RABGAP1L: variants seen among roughly 807,000 people sequenced by gnomAD.
RABGAP1L encodes the protein rab GTPase-activating protein 1-like.
In RABGAP1L, 63 loss-of-function variants were observed where a neutral mutation model predicts 137.7. The ratio of observed to expected loss-of-function variants is 0.46; its 90% CI spans 0.37 to 0.56. RABGAP1L has a LOEUF of 0.56. Ranked by LOEUF, RABGAP1L falls within the 20% of genes least tolerant of loss-of-function variation. The probability of loss-of-function intolerance (pLI) is 0.00; values close to 1 mark genes in which losing one functional copy is unlikely to be tolerated. For missense variants in RABGAP1L, 1,095 were observed against 1,244.0 expected (o/e 0.88, Z 1.80); for synonymous variants, 431 against 433.7 (o/e 0.99, Z 0.08).
chr1:174,179,556 A>G (rs1000439436), intron 1 of RABGAP1L, among the ~76,000 whole-genome samples: 6 of 137,408 alleles, frequency 4.4e-5, no homozygotes, highest in African/African-American at 2.1e-4. Flanking sequence ...ACACACACAC[A>G]CACACACACA....
chr1:174,385,633 T>G (rs1558189843), intron 12 of RABGAP1L, among the ~76,000 whole-genome samples: 1 of 152,078 alleles, frequency 6.6e-6, no homozygotes, highest in African/African-American at 2.4e-5. Flanking sequence ...GTTGGACGTA[T>G]GAGGAGGATC....
chr1:174,358,979 AGGG>A (rs201405649), intron 11 of RABGAP1L, among the ~76,000 whole-genome samples: 1 of 152,170 alleles, frequency 6.6e-6, no homozygotes, highest in Non-Finnish European at 1.5e-5. Context: ...GTATGGGCCT[AGGG>A]GGGCAGTATT....
intron 10 of RABGAP1L, among the ~76,000 whole-genome samples, chr1:174,302,749 T>C (rs1194453508): frequency 1.3e-5 from 2 of 152,194 alleles, no homozygotes; most frequent in African/African-American, 2.4e-5. Flanking sequence ...ATATCAAATG[T>C]TTTCTTGCCC....
At chr1:174,163,629 A>T (rs1449731149) in intron 1 of RABGAP1L, among the ~76,000 whole-genome samples, 1 of 151,732 alleles carries the variant, frequency 6.6e-6, no homozygotes, top group Non-Finnish European at 1.5e-5. Context: ...AAAAAAACCC[A>T]ACAACAACAC....
At chr1:174,180,672 G>A (rs1289111173) in intron 1 of RABGAP1L, among the ~76,000 whole-genome samples, 1 of 152,090 alleles carries the variant, frequency 6.6e-6, no homozygotes, top group African/African-American at 2.4e-5. Flanking sequence ...TCGCTTTGTT[G>A]CCCAAGCTGG....
intron 19 of RABGAP1L, among the ~76,000 whole-genome samples, chr1:174,862,053 T>C (rs925653532): frequency 3.9e-5 from 6 of 152,238 alleles, no homozygotes; most frequent in Admixed American, 1.3e-4. Context: ...TTAAGTTTTC[T>C]TCTAGGAGTT....
chr1:174,904,490 A>C (rs1218683706), intron 19 of RABGAP1L, among the ~76,000 whole-genome samples: 2 of 152,174 alleles, frequency 1.3e-5, no homozygotes, highest in Non-Finnish European at 2.9e-5. Context: ...AAAGGGAGGA[A>C]TATTCCCCCA....
intron 12 of RABGAP1L, among the ~76,000 whole-genome samples, chr1:174,372,389 A>G (rs1474893302): frequency 2.0e-5 from 3 of 152,080 alleles, no homozygotes; most frequent in Admixed American, 2.0e-4. Flanking sequence ...TTGGTTGGTT[A>G]TAGGCAGTGC....
chr1:174,315,617 C>T (rs951054193), intron 11 of RABGAP1L, among the ~76,000 whole-genome samples: 1 of 129,660 alleles, frequency 7.7e-6, no homozygotes, highest in Non-Finnish European at 1.6e-5. Flanking sequence ...GATTTCATTT[C>T]TTGCCTTTTT....
intron 16 of RABGAP1L, among the ~76,000 whole-genome samples, chr1:174,701,858 AG>A (rs1393177143): frequency 1.3e-5 from 2 of 152,202 alleles, no homozygotes; most frequent in Admixed American, 1.3e-4. Context: ...GCAAGAATCA[AG>A]AACAGTCAAG....
chr1:174,472,099 T>A (rs1658007960), intron 13 of RABGAP1L, among the ~76,000 whole-genome samples: 1 of 152,210 alleles, frequency 6.6e-6, no homozygotes. Context: ...AGCACCTTGA[T>A]CTTGGACTTT....
chr1:174,783,512 T>A (rs188874587), intron 18 of RABGAP1L, among the ~76,000 whole-genome samples: 3 of 152,288 alleles, frequency 2.0e-5, no homozygotes, highest in Admixed American at 2.0e-4. Flanking sequence ...TAGGTCTTCC[T>A]GAGCTAGTTC....
chr1:174,833,394 G>GTGTGTGTA (rs1553259918), intron 19 of RABGAP1L, among the ~76,000 whole-genome samples: 1 of 56,912 alleles, frequency 1.8e-5, no homozygotes, highest in African/African-American at 4.1e-5. Context: ...GTGTGTGTGT[G>GTGTGTGTA]TGTGTGTATG....
rs3766697 is a variant in RABGAP1L at position 174,991,324 on chromosome 1, C to A, written c.*1323C>A. On this transcript the variant is annotated 3_prime_UTR_variant, in exon 26 of 26. Coordinates refer to ENST00000681986, the MANE Select transcript of RABGAP1L (RefSeq NM_001366446.1). Reference sequence around the variant, plus strand: ...CAACCAAACTACTATTAGATATGTACAATAACATTTGTTGATATTAATCAT... The same window carrying A: ...CAACCAAACTACTATTAGATATGTAAAATAACATTTGTTGATATTAATCAT... 6.6e-6 allele frequency: 1 copy of A among 152,090 alleles called. No individual in the cohort carries two copies. The highest frequency in any genetic ancestry group is 6.5e-5 in the Admixed American group (1 of 15,270). 9.4% of individuals were successfully genotyped at this position (152,090 alleles called of 1,614,324 possible).
chr1:174,516,120 TACAC>T (rs61414923), intron 13 of RABGAP1L, among the ~76,000 whole-genome samples: 1,911 of 133,248 alleles, frequency 0.014, 25 homozygotes, highest in Middle Eastern at 0.026. Context: ...ACTGAAGCTC[TACAC>T]ACACACACAC....
intron 18 of RABGAP1L, among the ~76,000 whole-genome samples, chr1:174,753,999 A>C (rs1684533256): frequency 6.6e-6 from 1 of 152,190 alleles, no homozygotes; most frequent in Non-Finnish European, 1.5e-5. Flanking sequence ...GTGTCAACTT[A>C]ATACTATATA....
At chr1:174,757,797 G>A (rs919700763) in intron 18 of RABGAP1L, among the ~76,000 whole-genome samples, 2 of 151,892 alleles carry the variant, frequency 1.3e-5, no homozygotes, top group Non-Finnish European at 2.9e-5. Context: ...AGGGGGCCAA[G>A]GTGGGTGAAT....
intron 18 of RABGAP1L, among the ~76,000 whole-genome samples, chr1:174,793,929 T>G (rs1464514688): frequency 6.6e-6 from 1 of 152,162 alleles, no homozygotes; most frequent in Non-Finnish European, 1.5e-5. Flanking sequence ...ACTCCTGACC[T>G]CAAGCGATCC....
chr1:174,450,799 C>T (rs796494282), intron 13 of RABGAP1L, among the ~76,000 whole-genome samples: 56 of 152,262 alleles, frequency 3.7e-4, no homozygotes, highest in African/African-American at 1.2e-3. Context: ...TATCAAACTA[C>T]TGAGTATTTT....
Sources: gnomAD v4.1 joint callset for allele counts (sites outside exome capture counted in the v4.1 genomes callset) on GRCh38, gnomAD v4.1.1 for gene constraint, MANE v1.5 for transcripts, NCBI Gene and HGNC (gene_info 2026-07-23, HGNC 2026-07-21) for gene names.